Variants in TMEM132B observed in about 807,000 individuals in gnomAD.
TMEM132B encodes transmembrane protein 132B.
A neutral mutation model predicts 90.8 loss-of-function variants in TMEM132B; 18 were observed. The observed-to-expected ratio is 0.20, with a 90% CI of 0.14 to 0.29. The LOEUF is 0.29. Ranked by LOEUF, TMEM132B falls within the 10% of genes least tolerant of loss-of-function variation. The probability of loss-of-function intolerance (pLI) is 1.00; values close to 1 mark genes in which losing one functional copy is unlikely to be tolerated. For synonymous variants in TMEM132B, 504 were observed against 523.3 expected (o/e 0.96, Z 0.50); for missense variants, 1,096 against 1,326.8 (o/e 0.83, Z 2.70).
chr12:125,352,966 C>G (rs1190855947), intron 2 of TMEM132B, among the ~76,000 whole-genome samples: 1 of 152,190 alleles, frequency 6.6e-6, no homozygotes, highest in Non-Finnish European at 1.5e-5. Flanking sequence ...GCTAGTCACT[C>G]CACTGGAAGG....
At chr12:125,602,067 T>G (rs924605243) in intron 5 of TMEM132B, among the ~76,000 whole-genome samples, 1 of 152,222 alleles carries the variant, frequency 6.6e-6, no homozygotes, top group African/African-American at 2.4e-5. Context: ...CTTCTGAAAC[T>G]ATTCCAAACA....
At chr12:125,380,758 A>G (rs180742304) in intron 2 of TMEM132B, among the ~76,000 whole-genome samples, 41 of 152,150 alleles carry the variant, frequency 2.7e-4, no homozygotes, top group African/African-American at 9.6e-4. Context: ...CAGCCCTCCC[A>G]CCCATGGTGT....
chr12:125,326,087 G>A (rs961482987), intron 1 of TMEM132B, among the ~76,000 whole-genome samples: 1 of 152,160 alleles, frequency 6.6e-6, no homozygotes, highest in African/African-American at 2.4e-5. Context: ...GGGAGAGGGG[G>A]ACACCCCAGG....
chr12:125,441,448 T>C (rs916887193), intron 3 of TMEM132B, among the ~76,000 whole-genome samples: 7 of 152,248 alleles, frequency 4.6e-5, no homozygotes, highest in Non-Finnish European at 8.8e-5. Flanking sequence ...GGATGTATGA[T>C]GAAACACTTA....
At chr12:125,316,327 G>C (rs1032697972) in intron 1 of TMEM132B, among the ~76,000 whole-genome samples, 4 of 152,152 alleles carry the variant, frequency 2.6e-5, no homozygotes, top group Admixed American at 1.3e-4. Context: ...AGCTCCTGGT[G>C]GGGGGCGGGA....
chr12:125,454,375 CGTGTGTGTGTGTGTGTTT>C (rs1477682217), intron 3 of TMEM132B, among the ~76,000 whole-genome samples: 11 of 119,948 alleles, frequency 9.2e-5, no homozygotes, highest in Admixed American at 3.7e-4. Flanking sequence ...TACAGCCAGC[CGTGTGTGTGTGTGTGTTT>C]GTGTGTGTGT....
intron 3 of TMEM132B, among the ~76,000 whole-genome samples, chr12:125,505,190 A>C (rs1011599872): frequency 4.1e-5 from 6 of 144,598 alleles, no homozygotes; most frequent in East Asian, 2.0e-4. Context: ...AAAAAAAAAA[A>C]AAAAACAGTA....
At chr12:125,437,252 G>A (rs1351451367) in intron 3 of TMEM132B, among the ~76,000 whole-genome samples, 1 of 152,190 alleles carries the variant, frequency 6.6e-6, no homozygotes, top group Non-Finnish European at 1.5e-5. Flanking sequence ...ACATTCCGAT[G>A]CGCTGACTAT....
intron 5 of TMEM132B, among the ~76,000 whole-genome samples, chr12:125,592,455 A>G (rs1016657197): frequency 5.3e-5 from 8 of 152,162 alleles, no homozygotes; most frequent in Non-Finnish European, 5.9e-5. Flanking sequence ...GGACATTAAT[A>G]TTTTAAAGCC....
intron 1 of TMEM132B, among the ~76,000 whole-genome samples, chr12:125,198,388 C>T (rs1252931297): frequency 6.6e-6 from 1 of 152,212 alleles, no homozygotes; most frequent in Non-Finnish European, 1.5e-5. Context: ...TCTCTTAGTT[C>T]TTTTTCTCTC....
intron 3 of TMEM132B, among the ~76,000 whole-genome samples, chr12:125,480,877 C>T (rs1882019823): frequency 1.3e-5 from 2 of 151,982 alleles, no homozygotes; most frequent in Admixed American, 6.6e-5. Flanking sequence ...ACTGGCAAAC[C>T]GAATCCAGCA....
At chr12:125,200,984 C>T (rs1335947101) in intron 1 of TMEM132B, among the ~76,000 whole-genome samples, 2 of 152,172 alleles carry the variant, frequency 1.3e-5, no homozygotes, top group Non-Finnish European at 2.9e-5. Context: ...CTGGTCTATG[C>T]CTCTGTAGCA....
At chr12:125,259,867 C>T (rs538785854) in intron 1 of TMEM132B, among the ~76,000 whole-genome samples, 1 of 151,424 alleles carries the variant, frequency 6.6e-6, no homozygotes, top group East Asian at 2.0e-4. Flanking sequence ...GGGGTGCTGC[C>T]GCCCTCGTGG....
At chr12:125,375,196 C>T (rs148363727) in intron 2 of TMEM132B, among the ~76,000 whole-genome samples, 24 of 152,300 alleles carry the variant, frequency 1.6e-4, no homozygotes, top group East Asian at 1.2e-3. Flanking sequence ...TAATCCAGCT[C>T]ATTGTTGCTG....
At position 125,415,475 on chromosome 12, in the gene TMEM132B, G is replaced by C; in HGVS notation, c.960-56G>C. Reference sequence around the variant, plus strand: ...GCTCTCGTGCCATCTTTTACTACCTGTTTCAAACTAAAATGGTTTTATTAT... The same window carrying C: ...GCTCTCGTGCCATCTTTTACTACCTCTTTCAAACTAAAATGGTTTTATTAT... On this transcript the variant is annotated intron_variant, in intron 2 of 8. Transcript: ENST00000682704. The surrounding 1 kb of genome is among the most constrained non-coding windows in gnomAD (Gnocchi z 5.3). The C allele has an allele frequency of 1.3e-6, 2 of 1,592,470 alleles. No homozygotes were observed. The highest frequency in any genetic ancestry group is 1.7e-6 in the Non-Finnish European group (2 of 1,168,086).
intron 1 of TMEM132B, among the ~76,000 whole-genome samples, chr12:125,316,024 G>C (rs1876261728): frequency 6.6e-6 from 1 of 152,140 alleles, no homozygotes; most frequent in South Asian, 2.1e-4. Flanking sequence ...TGGTCTTAGA[G>C]TAGCAGAGTT....
Position 125,297,852 on chromosome 12 carries a change from CCTT to C in TMEM132B, c.68-51598_68-51596del, listed in dbSNP as rs1593074212. On this transcript the variant is annotated intron_variant, in intron 1 of 8. Transcript: ENST00000682704. ...TACATCCCATTTCCTCCTGCCTACTCCTTCACTCTGCTGTGGTTCTTCCTCCTC... is the reference window on the plus strand; with the variant it reads ...TACATCCCATTTCCTCCTGCCTACTCCACTCTGCTGTGGTTCTTCCTCCTC... Among the ~76,000 whole-genome samples the C allele has an allele frequency of 3.9e-5, 6 of 152,294 alleles. No individual in the cohort carries two copies. The South Asian group carries it at 1.2e-3, about 32-fold the overall frequency.
chr12:125,575,411 G>A (rs997611738), intron 4 of TMEM132B, among the ~76,000 whole-genome samples: 1 of 151,116 alleles, frequency 6.6e-6, no homozygotes, highest in African/African-American at 2.4e-5. Context: ...TTTAATTTGG[G>A]TATTTGTCTA....
At chr12:125,339,813 T>C (rs1877118167) in intron 1 of TMEM132B, among the ~76,000 whole-genome samples, 1 of 152,134 alleles carries the variant, frequency 6.6e-6, no homozygotes, top group Non-Finnish European at 1.5e-5. Flanking sequence ...TGGCCTTATT[T>C]TAGCTATATT....
Sources: gnomAD v4.1 joint callset for allele counts (sites outside exome capture counted in the v4.1 genomes callset) on GRCh38, gnomAD v4.1.1 for gene constraint, Gnocchi (gnomAD v3.1) non-coding constraint, MANE v1.5 for transcripts, NCBI Gene and HGNC (gene_info 2026-07-23, HGNC 2026-07-21) for gene names.